ANGPTL7: variants seen among roughly 807,000 people sequenced by gnomAD.
ANGPTL7 encodes angiopoietin like 7.
A neutral mutation model predicts 38.8 loss-of-function variants in ANGPTL7; 37 were observed. The ratio of observed to expected loss-of-function variants is 0.95; its 90% CI spans 0.73 to 1.25. The LOEUF is 1.25. Ranked by LOEUF, ANGPTL7 falls within the 50% of genes most tolerant of loss-of-function variation. The pLI, the probability that ANGPTL7 is intolerant of heterozygous loss-of-function variation, is 0.00. For missense variants in ANGPTL7, 427 were observed against 438.6 expected, an observed-to-expected ratio of 0.97 and a Z score of 0.24; for synonymous variants, 166 against 163.2, an observed-to-expected ratio of 1.02 and a Z score of -0.13.
In ANGPTL7 at chr1:11,194,585, A is replaced by AT; in HGVS notation, c.798dup (p.Asn267Ter). On this transcript the variant is annotated frameshift_variant, in exon 4 of 5. Coordinates refer to ENST00000376819, the MANE Select transcript of ANGPTL7 (RefSeq NM_021146.4). LOFTEE classifies it high-confidence loss of function. The stretch of plus-strand genomic sequence containing the variant: ...GTGGGGAACGACGCCCTCCAGTATC[A>AT]TAACAACACAGCCTTCAGCACCAAG... The AT allele has an allele frequency of 6.2e-7, 1 of 1,614,224 alleles. No homozygotes were observed. The highest frequency in any genetic ancestry group is 1.1e-5 in the South Asian group (1 of 91,084).
rs777629366 is a variant in ANGPTL7 at position 11,189,851 on chromosome 1, T to A, written c.272T>A (p.Met91Lys). Reference sequence around the variant, plus strand: ...GAGCTGGAGAGCAACAGCAAGCGCATGGAGTCGCGGCTCACAGATGCTGAG... The same window carrying A: ...GAGCTGGAGAGCAACAGCAAGCGCAAGGAGTCGCGGCTCACAGATGCTGAG... ...VMELESNSKR[M>K]ESRLTDAESK... The change falls in exon 1 of 5, where the codon ATG becomes AAG. Residue 91 changes from methionine (M) to lysine (K), a missense_variant. Physicochemically the swap from Met to Lys is moderately conservative, Grantham distance 95. Coordinates refer to ENST00000376819, the MANE Select transcript of ANGPTL7 (RefSeq NM_021146.4). 1 of 1,614,202 alleles carries A rather than the reference T, an allele frequency of 6.2e-7. No homozygotes were observed. Among genetic ancestry groups the A allele is most frequent in the Non-Finnish European group, 8.5e-7 (1 of 1,180,032 alleles).
At chr1:11,194,358 T>C (rs906699491) in intron 3 of ANGPTL7, 103 bp from the exon 4 acceptor site, 35 of 1,084,378 alleles carry the variant, frequency 3.2e-5, no homozygotes, top group Non-Finnish European at 4.7e-5. Context: ...TTCACACCTA[T>C]AAAAAGATGT....
chr1:11,193,526 G>A (rs769275209), intron 2 of ANGPTL7, 54 bp from the exon 3 acceptor site: 4 of 1,512,290 alleles, frequency 2.6e-6, no homozygotes, highest in Non-Finnish European at 3.6e-6. Context: ...CTGCCCTCTT[G>A]CTCCTGCCTT....
chr1:11,189,791 A>T lies in ANGPTL7; in HGVS notation c.212A>T (p.Glu71Val). 6.2e-7 allele frequency: 1 copy of T among 1,614,196 alleles called. No individual in the cohort carries two copies. The highest frequency in any genetic ancestry group is 1.7e-5 in the Admixed American group (1 of 60,026). Residue 71 changes from glutamate to valine, a missense_variant, in exon 1 of 5, where the codon GAG (glutamate) becomes GTG (valine). Glu to Val is a moderately radical substitution (Grantham distance 121). Coordinates refer to ENST00000376819, the MANE Select transcript of ANGPTL7 (RefSeq NM_021146.4). ...SLLSELNKKQ[E>V]RDWVSVVMQV... ...CTGAGTGAACTGAACAAGAAGCAGGAGAGGGACTGGGTCAGCGTGGTCATG... is the reference window on the plus strand; with the variant it reads ...CTGAGTGAACTGAACAAGAAGCAGGTGAGGGACTGGGTCAGCGTGGTCATG...
At position 11,189,576 on chromosome 1, in the gene ANGPTL7, A is replaced by G; in HGVS notation, c.-4A>G. ...AGAGCCTTCCTCACCCAAACCCACA[A>G]AAGATGCTGAAAAAGCCTCTCTCAG... is the stretch of plus-strand genomic sequence containing the variant. On this transcript the variant is annotated 5_prime_UTR_variant, in exon 1 of 5. Transcript: ENST00000376819. 6.3e-7 allele frequency: 1 copy of G among 1,591,264 alleles called. No individual in the cohort carries two copies. Among genetic ancestry groups the G allele is most frequent in the Non-Finnish European group, 8.6e-7 (1 of 1,169,358 alleles).
At chr1:11,190,836 T>C (rs754422427) in intron 1 of ANGPTL7, among the ~76,000 whole-genome samples, 23 of 152,308 alleles carry the variant, frequency 1.5e-4, no homozygotes, top group Non-Finnish European at 3.1e-4. Flanking sequence ...CATTATAAAC[T>C]ACATGAAGAA....
At chr1:11,194,362 A>T in intron 3 of ANGPTL7, 99 bp from the exon 4 acceptor site, 1 of 1,113,324 alleles carries the variant, frequency 9.0e-7, no homozygotes, top group Non-Finnish European at 1.3e-6. Flanking sequence ...CACCTATAAA[A>T]AGATGTTTGG....
At chr1:11,194,364 G>T (rs1264786168) in intron 3 of ANGPTL7, 97 bp from the exon 4 acceptor site, 2 of 1,125,284 alleles carry the variant, frequency 1.8e-6, no homozygotes, top group Non-Finnish European at 2.6e-6. Context: ...CCTATAAAAA[G>T]ATGTTTGGCT....
chr1:11,190,061 T>C, intron 1 of ANGPTL7, 106 bp downstream of exon 1: 1 of 1,355,760 alleles, frequency 7.4e-7, no homozygotes, highest in Non-Finnish European at 1.0e-6. Context: ...CTTTTGTGGG[T>C]ACACTTTCCC....
chr1:11,192,333 T>G lies in ANGPTL7; in HGVS notation c.440T>G (p.Leu147Arg). The G allele has an allele frequency of 6.2e-7, 1 of 1,614,082 alleles. No individual in the cohort carries two copies. Among genetic ancestry groups the G allele is most frequent in the South Asian group, 1.1e-5 (1 of 91,080 alleles). The change falls in exon 2 of 5, where the codon CTT becomes CGT. Residue 147 changes from leucine to arginine, a missense_variant. Leu to Arg is a moderately radical substitution (Grantham distance 102). Coordinates refer to ENST00000376819, the MANE Select transcript of ANGPTL7 (RefSeq NM_021146.4). ...KNYRISGVYK[L>R]PPDDFLGSPE... ...TACCGCATCTCTGGAGTGTATAAGC[T>G]TCCTCCTGATGACTTCCTGGGCAGC...
rs1320985470 is a variant in ANGPTL7 at position 11,195,806 on chromosome 1, A to C, written c.*783A>C. On this transcript the variant is annotated 3_prime_UTR_variant, in exon 5 of 5. Coordinates refer to ENST00000376819, the MANE Select transcript of ANGPTL7 (RefSeq NM_021146.4). ...TACTTTGTAAGAAACAAGCTCAAGG[A>C]GCTTCCTTTTAAATTTTGTCTGTAG... 6.6e-6 allele frequency: 1 copy of C among 152,516 alleles called. No individual in the cohort carries two copies. Among genetic ancestry groups the C allele is most frequent in the African/African-American group, 2.4e-5 (1 of 41,462 alleles). 9.4% of individuals were successfully genotyped at this position (152,516 alleles called of 1,614,324 possible). A position where few individuals can be genotyped will look rare whatever the true frequency, so the allele number is the denominator to read the frequency against.
At chr1:11,191,951 A>T (rs1645553079) in intron 1 of ANGPTL7, among the ~76,000 whole-genome samples, 1 of 152,150 alleles carries the variant, frequency 6.6e-6, no homozygotes, top group East Asian at 1.9e-4. Context: ...TGGCCCTCAT[A>T]CACTGTAACA....
At chr1:11,194,744 C>A in intron 4 of ANGPTL7, 85 bp downstream of exon 4, 1 of 1,600,078 alleles carries the variant, frequency 6.2e-7, no homozygotes, top group Admixed American at 1.7e-5. Flanking sequence ...TATAACTGTA[C>A]AGTTGATATT....
At position 11,189,778 on chromosome 1, in the gene ANGPTL7, A is replaced by G. The variant is rs772556112; in HGVS notation, c.199A>G (p.Asn67Asp). The G allele has an allele frequency of 1.3e-5, 21 of 1,614,100 alleles. No homozygotes were observed. Among genetic ancestry groups the G allele is most frequent in the Admixed American group, 3.3e-5 (2 of 60,008 alleles). Reference protein sequence around the residue: ...ANLSSLLSELNKKQERDWVSV... With the variant: ...ANLSSLLSELDKKQERDWVSV... ...CCTTAGCAGCCTGCTGAGTGAACTG[A>G]ACAAGAAGCAGGAGAGGGACTGGGT... Residue 67 changes from asparagine (N) to aspartate (D), a missense_variant, in exon 1 of 5, where the codon AAC becomes GAC. Asn to Asp is a conservative substitution (Grantham distance 23). Transcript: ENST00000376819.
At chr1:11,192,748 T>TAAA (rs56996673) in intron 2 of ANGPTL7, among the ~76,000 whole-genome samples, 3 of 119,254 alleles carry the variant, frequency 2.5e-5, no homozygotes, top group Non-Finnish European at 1.7e-5. Context: ...CCATTTCAAT[T>TAAA]AAAAAAAAAA....
At chr1:11,193,123 C>T (rs1645615140) in intron 2 of ANGPTL7, among the ~76,000 whole-genome samples, 2 of 151,962 alleles carry the variant, frequency 1.3e-5, no homozygotes, top group Admixed American at 1.3e-4. Flanking sequence ...TTGAGACCAG[C>T]CTGGCCAACA....
In ANGPTL7 at chr1:11,195,118, G is replaced by A; in HGVS notation, c.*95G>A. 1 of 1,325,886 alleles carries A rather than the reference G, an allele frequency of 7.5e-7. No individual in the cohort carries two copies. The highest frequency in any genetic ancestry group is 1.0e-6 in the Non-Finnish European group (1 of 971,312). The allele number at this position is 1,325,886 out of a possible 1,614,324, so 82.1% of individuals were successfully genotyped here. ...CAGGAAGAGAGTGTTAGAAAGGGTA[G>A]GACTGAGAAACAGCCTATAATCTCC... On this transcript the variant is annotated 3_prime_UTR_variant, in exon 5 of 5. Transcript: ENST00000376819.
rs17036490 is a variant in ANGPTL7, at chr1:11,193,588, T to C, written c.486T>C (p.Cys162=). 3,370 of 1,590,170 alleles carry C rather than the reference T, an allele frequency of 2.1e-3. 55 individuals carry two copies. The African/African-American group carries it at 0.037, about 17-fold the overall frequency. ...FLGSPELEVF[C]DMETSGGGWT... is the part of the protein sequence containing the mutation. The stretch of plus-strand genomic sequence containing the variant: ...TATCCCCTCTGCTTCAGGTGTTCTG[T>C]GACATGGAGACTTCAGGCGGAGGCT... The change falls in exon 3 of 5, where the codon TGT becomes TGC. Residue 162 remains cysteine (C), a synonymous_variant. Coordinates refer to ENST00000376819, the MANE Select transcript of ANGPTL7 (RefSeq NM_021146.4).
At chr1:11,194,731 A>G (rs763361214) in intron 4 of ANGPTL7, 72 bp downstream of exon 4, 5 of 1,606,672 alleles carry the variant, frequency 3.1e-6, no homozygotes, top group Non-Finnish European at 4.3e-6. Flanking sequence ...AGAAAGAGTG[A>G]ATTATAACTG....
Sources: allele counts gnomAD v4.1 joint callset (sites outside exome capture counted in the v4.1 genomes callset), GRCh38; gene constraint gnomAD v4.1.1; transcripts MANE v1.5; gene names NCBI Gene and HGNC (gene_info 2026-07-23, HGNC 2026-07-21).